The following BTD variants were observed in gnomAD, a reference collection of about 807,000 sequenced individuals.
The protein encoded by BTD is biotinidase, also known as biocytinase.
In BTD, 13 loss-of-function variants were observed where a neutral mutation model predicts 17.7. That is an observed-to-expected ratio of 0.74 (90% CI 0.48 to 1.17). The LOEUF (loss-of-function observed/expected upper bound fraction) is 1.17, where lower values mean the gene tolerates loss of function less well. BTD is among the 50% of genes most tolerant of loss of function. The pLI is 0.00. For missense variants in BTD, 674 were observed against 650.4 expected (o/e 1.04, Z -0.39); for synonymous variants, 240 against 245.2 (o/e 0.98, Z 0.20).
chr3:15,621,027 C>T (rs762033689), intron 1 of BTD, among the ~76,000 whole-genome samples: 13 of 152,232 alleles, frequency 8.5e-5, no homozygotes, highest in South Asian at 6.2e-4. Context: ...AGTTCTAACA[C>T]GCAAGGGCAG....
downstream of BTD, among the ~76,000 whole-genome samples, chr3:15,655,274 G>A (rs2065860567): frequency 6.6e-6 from 1 of 152,050 alleles, no homozygotes; most frequent in African/African-American, 2.4e-5. Context: ...TTTGACGTAT[G>A]TAAGGAAAAT....
At chr3:15,637,898 G>A (rs1046798678) in intron 2 of BTD, among the ~76,000 whole-genome samples, 12 of 152,178 alleles carry the variant, frequency 7.9e-5, no homozygotes, top group African/African-American at 2.4e-4. Context: ...TTGAAACCAC[G>A]CCAGCTGCAC....
At chr3:15,685,047 T>C (rs1296680272) in intron 3 of BTD, 2 of 616,264 alleles carry the variant, frequency 3.2e-6, no homozygotes, top group Non-Finnish European at 5.7e-6. Flanking sequence ...GTCTTGGCTT[T>C]AGCATGACAA....
intron 1 of BTD, among the ~76,000 whole-genome samples, chr3:15,618,671 G>A (rs1298790258): frequency 2.0e-5 from 3 of 151,924 alleles, no homozygotes; most frequent in African/African-American, 4.8e-5. Flanking sequence ...GACTACAGAC[G>A]CCTGCCACCA....
intron 3 of BTD, among the ~76,000 whole-genome samples, chr3:15,681,905 C>G (rs963674003): frequency 1.3e-5 from 2 of 152,160 alleles, no homozygotes; most frequent in African/African-American, 4.8e-5. Context: ...CAACAATCAT[C>G]TGGCCCAAAA....
Position 15,649,753 on chromosome 3 carries a change from TC to T in BTD, c.*4267del, listed in dbSNP as rs549846953. ...CTCTCTCATCACAGCTTGTGACTCT[TC>T]CACTTTTTGAACTGGTGTTTCCCAT... On this transcript the variant is annotated 3_prime_UTR_variant, in exon 4 of 4. Transcript: ENST00000643237. 1.9e-4 allele frequency among the ~76,000 whole-genome samples: 29 copies of T among 152,346 alleles called. No homozygotes were observed. The South Asian group carries it at 5.2e-3, about 27-fold the overall frequency.
chr3:15,690,347 T>C, intron 3 of BTD: 1 of 762,010 alleles, frequency 1.3e-6, no homozygotes, highest in South Asian at 2.1e-5. Context: ...TCCAAACTTC[T>C]ACATCGAGAA....
intron 3 of BTD, among the ~76,000 whole-genome samples, chr3:15,687,851 G>A (rs898742410): frequency 1.3e-5 from 2 of 152,070 alleles, no homozygotes; most frequent in Admixed American, 6.6e-5. Flanking sequence ...GTTCACAGTC[G>A]CTACTGATGA....
At chr3:15,661,901 T>C (rs946821495) in intron 3 of BTD, among the ~76,000 whole-genome samples, 1 of 152,258 alleles carries the variant, frequency 6.6e-6, no homozygotes, top group African/African-American at 2.4e-5. Flanking sequence ...CTCTGTCACA[T>C]TGCCTTTGCT....
At chr3:15,601,541 C>A (rs748298074), upstream of BTD, 4 of 1,605,364 alleles carry the variant, frequency 2.5e-6, no homozygotes, top group South Asian at 4.4e-5. Flanking sequence ...GCGAAATCGG[C>A]AGCACGCCAC....
chr3:15,606,087 C>CT, intron 1 of BTD, among the ~76,000 whole-genome samples: 1 of 147,212 alleles, frequency 6.8e-6, no homozygotes, highest in East Asian at 2.0e-4. Flanking sequence ...CATCTTTGCA[C>CT]TTTGAGTAGT....
chr3:15,663,082 C>T (rs919894278), intron 3 of BTD, among the ~76,000 whole-genome samples: 1 of 151,980 alleles, frequency 6.6e-6, no homozygotes, highest in Admixed American at 6.6e-5. Flanking sequence ...ACTGAAACCT[C>T]CACCTCCCGG....
intron 1 of BTD, among the ~76,000 whole-genome samples, chr3:15,609,165 TC>T (rs2064544019): frequency 6.6e-6 from 1 of 152,144 alleles, no homozygotes; most frequent in Admixed American, 6.5e-5. Context: ...TCTTTTCACT[TC>T]AAAAAAAATA....
At chr3:15,673,528 G>A (rs1186959363) in intron 3 of BTD, among the ~76,000 whole-genome samples, 1 of 152,120 alleles carries the variant, frequency 6.6e-6, no homozygotes, top group Non-Finnish European at 1.5e-5. Context: ...TAACAAAAAA[G>A]TACATTATAT....
intron 1 of BTD, 124 bp downstream of exon 1, chr3:15,602,018 C>A (rs962634604): frequency 5.3e-6 from 8 of 1,504,398 alleles, no homozygotes; most frequent in Non-Finnish European, 7.1e-6. Context: ...CTGGGAAGCC[C>A]GGCGCGCGTC....
chr3:15,682,442 C>T (rs180821195), intron 3 of BTD, among the ~76,000 whole-genome samples: 1 of 152,256 alleles, frequency 6.6e-6, no homozygotes, highest in African/African-American at 2.4e-5. Context: ...AACTTTCTAT[C>T]ATCATTTATG....
chr3:15,635,339 G>A lies in BTD; in HGVS notation c.-16-85G>A. ...TCACTGCGAGTGAGTTTAATTGCTG[G>A]GATTAATAAATCACAGCTGCAAACG... On this transcript the variant is annotated intron_variant, in intron 1 of 3. Coordinates refer to ENST00000643237, the MANE Select transcript of BTD (RefSeq NM_001370658.1). The surrounding 1 kb of genome is among the most constrained non-coding windows in gnomAD (Gnocchi z 4.1). The A allele has an allele frequency of 1.3e-6, 2 of 1,584,434 alleles. No individual in the cohort carries two copies. Among genetic ancestry groups the A allele is most frequent in the Non-Finnish European group, 1.7e-6 (2 of 1,156,684 alleles).
intron 3 of BTD, among the ~76,000 whole-genome samples, chr3:15,687,623 G>A (rs2068285035): frequency 6.6e-6 from 1 of 151,670 alleles, no homozygotes; most frequent in Non-Finnish European, 1.5e-5. Flanking sequence ...CAAGCTAGGT[G>A]CTGAATATTC....
chr3:15,670,478 G>A (rs1275383974), intron 3 of BTD: 1 of 1,613,976 alleles, frequency 6.2e-7, no homozygotes, highest in Non-Finnish European at 8.5e-7. Flanking sequence ...TGATGAGACA[G>A]GCATCATGGT....
Sources: allele counts gnomAD v4.1 joint callset (sites outside exome capture counted in the v4.1 genomes callset), GRCh38; gene constraint gnomAD v4.1.1; non-coding constraint Gnocchi (gnomAD v3.1); transcripts MANE v1.5; gene names NCBI Gene and HGNC (gene_info 2026-07-23, HGNC 2026-07-21).